PLCXD1: variants seen among roughly 807,000 people sequenced by gnomAD.
PLCXD1 encodes PI-PLC X domain-containing protein 1.
In PLCXD1, 45 loss-of-function variants were observed where a neutral mutation model predicts 37.8. That is an observed-to-expected ratio of 1.19 (90% CI 0.94 to 1.53). The LOEUF (loss-of-function observed/expected upper bound fraction) is 1.53, where lower values mean the gene tolerates loss of function less well. PLCXD1 is among the 40% of genes most tolerant of loss of function. The pLI is 0.00. For synonymous variants in PLCXD1, 246 were observed against 206.9 expected (o/e 1.19, Z -1.62); for missense variants, 539 against 454.7 (o/e 1.19, Z -1.69).
rs1427633690 is a variant in PLCXD1 at position 300,396 on chromosome X, G to A, written c.*1061G>A. 1.3e-5 allele frequency: 2 copies of A among 151,966 alleles called. No individual in the cohort carries two copies. The highest frequency in any genetic ancestry group is 1.3e-4 in the Admixed American group (2 of 15,226). The allele number at this position is 151,966 out of a possible 1,614,324, so 9.4% of individuals were successfully genotyped here. ...TGTGTGTGTATATATGTGTGTTTATGTGTCTGTGTGTATATATGTGTATAT... is the reference window on the plus strand; with the variant it reads ...TGTGTGTGTATATATGTGTGTTTATATGTCTGTGTGTATATATGTGTATAT... On this transcript the variant is annotated 3_prime_UTR_variant, in exon 7 of 7. Transcript: ENST00000381657.
rs772359889 is a variant in PLCXD1, at chrX:299,691, A to T, written c.*356A>T. 4 of 379,694 alleles carry T rather than the reference A, an allele frequency of 1.1e-5. No individual in the cohort carries two copies. Among genetic ancestry groups the T allele is most frequent in the African/African-American group, 8.2e-5 (4 of 48,598 alleles). The allele number at this position is 379,694 out of a possible 1,614,324, so 23.5% of individuals were successfully genotyped here. ...AGAACTGCTTGAAGCCGGGAGATGG[A>T]GGTTGCATTGAGCTGACATCGTGCC... is the stretch of plus-strand genomic sequence containing the variant. On this transcript the variant is annotated 3_prime_UTR_variant, in exon 7 of 7. Transcript: ENST00000381657.
At position 293,229 on chromosome X, in the gene PLCXD1, G is replaced by T. The variant is rs181146904; in HGVS notation, c.733+11G>T. The T allele has an allele frequency of 8.7e-6, 14 of 1,602,858 alleles. No individual in the cohort carries two copies. The highest frequency in any genetic ancestry group is 1.1e-5 in the South Asian group (1 of 90,700). ...GCTGCGGCCGCCCAGGTACCAGGTCGCCCCTCGTGGGGGTAGATTCCACAC... is the reference window on the plus strand; with the variant it reads ...GCTGCGGCCGCCCAGGTACCAGGTCTCCCCTCGTGGGGGTAGATTCCACAC... On this transcript the variant is annotated intron_variant, in intron 6 of 6. Transcript: ENST00000381657.
At position 285,463 on chromosome X, in the gene PLCXD1, CAT is replaced by C. The variant is rs1419454842; in HGVS notation, c.127+1151_127+1152del. Among the ~76,000 whole-genome samples the C allele has an allele frequency of 2.8e-4, 43 of 152,166 alleles. 1 individual carries two copies. Among genetic ancestry groups the C allele is most frequent in the South Asian group, 2.1e-4 (1 of 4,836 alleles). Reference sequence around the variant, plus strand: ...GTACATGCACAGACACACGTGCACACATAAACATTTGCACCTATGCACGCAGA... The same window carrying C: ...GTACATGCACAGACACACGTGCACACAAACATTTGCACCTATGCACGCAGA... On this transcript the variant is annotated intron_variant, in intron 2 of 6. Transcript: ENST00000381657.
At chrX:282,945 T>A (rs866583705) in intron 1 of PLCXD1, among the ~76,000 whole-genome samples, 27 of 105,446 alleles carry the variant, frequency 2.6e-4, no homozygotes, top group Non-Finnish European at 4.7e-4. Flanking sequence ...TATATATATA[T>A]TATATATATA....
At chrX:294,108 G>C (rs2069723291) in intron 6 of PLCXD1, among the ~76,000 whole-genome samples, 1 of 152,140 alleles carries the variant, frequency 6.6e-6, no homozygotes, top group Admixed American at 6.5e-5. Context: ...AGGCCAAGGT[G>C]GGTGGATCAC....
chrX:286,159 G>A (rs1014256590), intron 2 of PLCXD1, among the ~76,000 whole-genome samples: 20 of 151,930 alleles, frequency 1.3e-4, no homozygotes, highest in Admixed American at 7.2e-4. Context: ...CTGCCTCCTG[G>A]GTTCAAGCGA....
At position 291,548 on chromosome X, in the gene PLCXD1, T is replaced by A; in HGVS notation, c.443T>A (p.Val148Glu). The change falls in exon 5 of 7, where the codon GTG becomes GAG. Residue 148 changes from valine (V) to glutamate (E), a missense_variant. Coordinates refer to ENST00000381657, the MANE Select transcript of PLCXD1 (RefSeq NM_018390.4). ...TGGCTGGAGCGGCATCCACGCGAGG[T>A]GGTCATCCTGGCCTGCAGAAACTTC... is the stretch of plus-strand genomic sequence containing the variant. ...SEWLERHPREVVILACRNFEG... is the reference protein window; with the variant it reads ...SEWLERHPREEVILACRNFEG... The A allele has an allele frequency of 6.2e-7, 1 of 1,612,530 alleles. No individual in the cohort carries two copies. Among genetic ancestry groups the A allele is most frequent in the Non-Finnish European group, 8.5e-7 (1 of 1,179,812 alleles).
chrX:295,209 C>A (rs1427454663), intron 6 of PLCXD1, among the ~76,000 whole-genome samples: 2 of 151,888 alleles, frequency 1.3e-5, no homozygotes, highest in Non-Finnish European at 2.9e-5. Context: ...ACGTGAATTT[C>A]ACCACAATTT....
Position 290,095 on chromosome X carries a change from C to G in PLCXD1, c.265-553C>G, listed in dbSNP as rs371201392. On this transcript the variant is annotated intron_variant, in intron 3 of 6. Coordinates refer to ENST00000381657, the MANE Select transcript of PLCXD1 (RefSeq NM_018390.4). ...TCCTCAGCCTCCCGGGCAGCTGGGA[C>G]TACAGGTGTACACCACCACACCCAG... is the stretch of plus-strand genomic sequence containing the variant. Among the ~76,000 whole-genome samples the G allele has an allele frequency of 2.7e-3, 410 of 152,154 alleles. 1 individual carries two copies. Among genetic ancestry groups the G allele is most frequent in the African/African-American group, 9.0e-3 (374 of 41,544 alleles).
chrX:281,119 G>T (rs1306751310), upstream of PLCXD1: 3 of 102,360 alleles, frequency 2.9e-5, no homozygotes, highest in African/African-American at 1.1e-4. Flanking sequence ...CAGGCGGAGG[G>T]GGGCCGTGCA....
intron 6 of PLCXD1, among the ~76,000 whole-genome samples, chrX:295,549 A>G (rs2069777239): frequency 6.8e-6 from 1 of 146,386 alleles, no homozygotes; most frequent in African/African-American, 2.6e-5. Context: ...TTTGAGGTGG[A>G]GTCTCACTCT....
At position 289,806 on chromosome X, in the gene PLCXD1, C is replaced by T. The variant is rs191892215; in HGVS notation, c.265-842C>T. 9.4e-4 allele frequency among the ~76,000 whole-genome samples: 143 copies of T among 152,216 alleles called. 2 individuals are homozygous for T. In the East Asian group the frequency reaches 0.025, roughly 27 times the overall value. ...GATTACAGGCGTCAGCCACCGCGCC[C>T]GGCCGAGACAACCCCTTTCATGCCT... On this transcript the variant is annotated intron_variant, in intron 3 of 6. Coordinates refer to ENST00000381657, the MANE Select transcript of PLCXD1 (RefSeq NM_018390.4).
intron 1 of PLCXD1, 87 bp from the exon 2 acceptor site, chrX:284,080 G>A: frequency 9.9e-7 from 1 of 1,013,662 alleles, no homozygotes. Flanking sequence ...TAGTAGAGAT[G>A]GGGTTTTGTC....
chrX:294,759 G>A (rs761056590), intron 6 of PLCXD1, among the ~76,000 whole-genome samples: 2 of 151,716 alleles, frequency 1.3e-5, no homozygotes, highest in Non-Finnish European at 2.9e-5. Flanking sequence ...GGCCGAGATC[G>A]AGCCAGTGTA....
At chrX:293,454 A>G (rs1338436661) in intron 6 of PLCXD1, among the ~76,000 whole-genome samples, 1 of 151,856 alleles carries the variant, frequency 6.6e-6, no homozygotes, top group Non-Finnish European at 1.5e-5. Flanking sequence ...TGAGACCCCA[A>G]CTTTACTAGA....
intron 1 of PLCXD1, among the ~76,000 whole-genome samples, chrX:282,982 ATATATAT>A (rs902655560): frequency 5.5e-5 from 8 of 146,034 alleles, no homozygotes; most frequent in African/African-American, 2.0e-4. Context: ...TATATGTATA[ATATATAT>A]TATATGTATA....
At chrX:282,934 TTATA>T (rs199798753) in intron 1 of PLCXD1, among the ~76,000 whole-genome samples, 9 of 118,334 alleles carry the variant, frequency 7.6e-5, no homozygotes, top group Middle Eastern at 3.8e-3. Flanking sequence ...TACATGTATG[TTATA>T]TATATATTAT....
intron 6 of PLCXD1, among the ~76,000 whole-genome samples, chrX:293,539 C>T (rs976330643): frequency 3.3e-5 from 5 of 152,290 alleles, no homozygotes; most frequent in African/African-American, 1.2e-4. Flanking sequence ...GCGGGCAGAT[C>T]ACCTGAGGTC....
In PLCXD1 at chrX:300,258, C is replaced by G. The variant is rs2069961793; in HGVS notation, c.*923C>G. 6.6e-6 allele frequency: 1 copy of G among 152,132 alleles called. No individual in the cohort carries two copies. Among genetic ancestry groups the G allele is most frequent in the South Asian group, 2.1e-4 (1 of 4,820 alleles). The allele number at this position is 152,132 out of a possible 1,614,324, so 9.4% of individuals were successfully genotyped here. ...GAGCCCTTACAGACCCAGGGAGACA[C>G]TATCCTCCCACAGCTCACTAATTAC... On this transcript the variant is annotated 3_prime_UTR_variant, in exon 7 of 7. Transcript: ENST00000381657.
Sources: allele counts gnomAD v4.1 joint callset (sites outside exome capture counted in the v4.1 genomes callset), GRCh38; gene constraint gnomAD v4.1.1; transcripts MANE v1.5; gene names NCBI Gene and HGNC (gene_info 2026-07-23, HGNC 2026-07-21).